ACACA: variants seen among roughly 807,000 people sequenced by gnomAD.
The protein encoded by ACACA is acetyl-CoA carboxylase 1.
A neutral mutation model predicts 296.1 loss-of-function variants in ACACA; 103 were observed. The ratio of observed to expected loss-of-function variants is 0.35; its 90% CI spans 0.30 to 0.41. ACACA has a LOEUF of 0.41. Among genes scored for constraint, ACACA ranks in the 10% least tolerant of loss-of-function variants. The pLI is 1.00. For synonymous variants in ACACA, 953 were observed against 1,038.6 expected (o/e 0.92, Z 1.58); for missense variants, 1,554 against 2,989.7 (o/e 0.52, Z 11.20).
intron 43 of ACACA, 71 bp downstream of exon 43, chr17:37,155,612 A>T (rs1247390389): frequency 9.6e-7 from 1 of 1,041,980 alleles, no homozygotes; most frequent in Non-Finnish European, 1.5e-6. Flanking sequence ...ACAGCTGTAC[A>T]ATATGGAAAA....
At chr17:37,369,865 C>A (rs2049738904) in intron 1 of ACACA, among the ~76,000 whole-genome samples, 1 of 151,954 alleles carries the variant, frequency 6.6e-6, no homozygotes, top group African/African-American at 2.4e-5. Context: ...ACCACCACAC[C>A]CATCTAATTT....
At chr17:37,187,389 C>T (rs2077578542) in intron 39 of ACACA, among the ~76,000 whole-genome samples, 1 of 152,216 alleles carries the variant, frequency 6.6e-6, no homozygotes, top group Non-Finnish European at 1.5e-5. Context: ...ACGGAATAGA[C>T]TGAAACCCTT....
At chr17:37,151,693 C>T (rs574680887) in intron 43 of ACACA, among the ~76,000 whole-genome samples, 7 of 152,202 alleles carry the variant, frequency 4.6e-5, no homozygotes, top group African/African-American at 7.2e-5. Flanking sequence ...GGCGGAGTCT[C>T]GCTCTATTGG....
At chr17:37,110,853 C>A (rs527258455) in intron 52 of ACACA, among the ~76,000 whole-genome samples, 3 of 152,218 alleles carry the variant, frequency 2.0e-5, no homozygotes, top group African/African-American at 7.2e-5. Context: ...CAATGGGAGA[C>A]CTGGGCAGAA....
At chr17:37,128,165 TTAAAA>T (rs559931809) in intron 47 of ACACA, among the ~76,000 whole-genome samples, 96 of 151,836 alleles carry the variant, frequency 6.3e-4, no homozygotes, top group African/African-American at 2.3e-3. Context: ...AAGTTATAAA[TTAAAA>T]TAAACACTTC....
intron 50 of ACACA, among the ~76,000 whole-genome samples, chr17:37,120,292 GTCTTAC>G (rs1297705048): frequency 6.6e-6 from 1 of 151,548 alleles, no homozygotes; most frequent in Non-Finnish European, 1.5e-5. Flanking sequence ...TTGAGACAGA[GTCTTAC>G]CCTTTTGCCC....
intron 4 of ACACA, 77 bp downstream of exon 4, chr17:37,284,761 A>G: frequency 2.5e-6 from 4 of 1,598,256 alleles, no homozygotes; most frequent in Non-Finnish European, 3.4e-6. Context: ...AATTGGGAGC[A>G]AATCTAGACA....
chr17:37,274,735 G>C (rs1483790703), intron 8 of ACACA: 1 of 914,504 alleles, frequency 1.1e-6, no homozygotes, highest in Admixed American at 6.2e-5. Context: ...GCAGAGTCAT[G>C]ATTCCATGCT....
At chr17:37,195,946 A>T (rs1485158400) in intron 35 of ACACA, among the ~76,000 whole-genome samples, 1 of 152,152 alleles carries the variant, frequency 6.6e-6, no homozygotes, top group Non-Finnish European at 1.5e-5. Flanking sequence ...ACCAAAAAAC[A>T]AAAGAATGCA....
At chr17:37,161,429 A>G (rs1483144308) in intron 42 of ACACA, among the ~76,000 whole-genome samples, 1 of 152,180 alleles carries the variant, frequency 6.6e-6, no homozygotes, top group Non-Finnish European at 1.5e-5. Flanking sequence ...ATGAGGAGGT[A>G]AGGGATTTTG....
At chr17:37,308,494 G>C (rs149016234) in intron 3 of ACACA, among the ~76,000 whole-genome samples, 86 of 152,212 alleles carry the variant, frequency 5.7e-4, no homozygotes, top group Non-Finnish European at 1.1e-3. Context: ...TGAAAAACAA[G>C]CATATTATTA....
chr17:37,390,858 A>T (rs781484147), intron 1 of ACACA, among the ~76,000 whole-genome samples: 1 of 152,138 alleles, frequency 6.6e-6, no homozygotes, highest in Admixed American at 6.6e-5. Context: ...GGGACTACAA[A>T]GTCTAGTCCA....
intron 11 of ACACA, 25 bp from the exon 12 acceptor site, chr17:37,259,555 A>T: frequency 1.2e-6 from 2 of 1,613,888 alleles, no homozygotes; most frequent in Non-Finnish European, 1.7e-6. Flanking sequence ...ATAAGCAAAC[A>T]TAAGTATCTC....
At chr17:37,183,713 G>A (rs752813347) in intron 39 of ACACA, among the ~76,000 whole-genome samples, 3 of 151,680 alleles carry the variant, frequency 2.0e-5, no homozygotes, top group Non-Finnish European at 2.9e-5. Flanking sequence ...GAACCCGGGA[G>A]GTAGAACTTG....
At chr17:37,281,512 A>G (rs2542665) in intron 5 of ACACA, among the ~76,000 whole-genome samples, 51,765 of 152,040 alleles carry the variant, frequency 0.34, 11,206 homozygotes, top group African/African-American at 0.6. Flanking sequence ...TCAACTGTCA[A>G]TCTCCATGTT....
At chr17:37,217,750 A>AC (rs2079084362) in intron 29 of ACACA, among the ~76,000 whole-genome samples, 1 of 144,478 alleles carries the variant, frequency 6.9e-6, no homozygotes, top group African/African-American at 2.6e-5. Flanking sequence ...AAAAAAAAAA[A>AC]AAAAAAAAAA....
In ACACA at chr17:37,087,454, T is replaced by G. The variant is rs1319050110; in HGVS notation, c.7029-15A>C. Reference sequence around the variant, plus strand: ...CCTGGACCAAGCTGGAAAGGAAGATTGAGAATGGTGAAGAAAAGAGAAGCA... The same window carrying G: ...CCTGGACCAAGCTGGAAAGGAAGATGGAGAATGGTGAAGAAAAGAGAAGCA... On this transcript the variant is annotated splice_polypyrimidine_tract_variant and intron_variant, in intron 55 of 55. Coordinates refer to ENST00000616317, the MANE Select transcript of ACACA (RefSeq NM_198834.3). The G allele has an allele frequency of 6.2e-7, 1 of 1,613,884 alleles. No homozygotes were observed. Among genetic ancestry groups the G allele is most frequent in the East Asian group, 2.2e-5 (1 of 44,868 alleles).
intron 35 of ACACA, among the ~76,000 whole-genome samples, chr17:37,195,947 A>G (rs1011533988): frequency 6.6e-6 from 1 of 152,146 alleles, no homozygotes; most frequent in African/African-American, 2.4e-5. Flanking sequence ...CCAAAAAACA[A>G]AAGAATGCAA....
At position 37,385,963 on chromosome 17, in the gene ACACA, A is replaced by C. The variant is rs199711693; in HGVS notation, c.38+20299T>G. 208 of 1,311,956 alleles carry C rather than the reference A, an allele frequency of 1.6e-4. No homozygotes were observed. In the African/African-American group the frequency reaches 3.0e-3, roughly 19 times the overall value. 81.3% of individuals were successfully genotyped at this position (1,311,956 alleles called of 1,614,324 possible). A position where few individuals can be genotyped will look rare whatever the true frequency, so the allele number is the denominator to read the frequency against. ...TTCATCAGATAAAACCAAAGGCAGG[A>C]TAAAGTTTTCCCCTAAAGTTTCATC... On this transcript the variant is annotated intron_variant, in intron 1 of 55. Transcript: ENST00000616317.
Sources: allele counts gnomAD v4.1 joint callset (sites outside exome capture counted in the v4.1 genomes callset), GRCh38; gene constraint gnomAD v4.1.1; transcripts MANE v1.5; gene names NCBI Gene and HGNC (gene_info 2026-07-23, HGNC 2026-07-21).